The following ZFAND6 variants were observed in gnomAD, a reference collection of about 807,000 sequenced individuals.
ZFAND6 encodes the protein AN1-type zinc finger protein 6.
A neutral mutation model predicts 24.5 loss-of-function variants in ZFAND6; 12 were observed. That is an observed-to-expected ratio of 0.49 (90% CI 0.31 to 0.79). The LOEUF (loss-of-function observed/expected upper bound fraction) is 0.79. Among genes scored for constraint, ZFAND6 ranks in the 30% least tolerant of loss-of-function variants. The probability of loss-of-function intolerance (pLI) is 0.04; values close to 1 mark genes in which losing one functional copy is unlikely to be tolerated. For missense variants in ZFAND6, 207 were observed against 245.9 expected, an observed-to-expected ratio of 0.84 and a Z score of 1.06; for synonymous variants, 92 against 81.5, an observed-to-expected ratio of 1.13 and a Z score of -0.69.
At position 80,125,498 on chromosome 15, in the gene ZFAND6, G is replaced by C. The variant is rs1190484602; in HGVS notation, c.364+2698G>C. Among the ~76,000 whole-genome samples, 3 of 152,326 alleles carry C rather than the reference G, an allele frequency of 2.0e-5. No individual in the cohort carries two copies. In the South Asian group the frequency reaches 6.2e-4, roughly 32 times the overall value. ...TATAATTAGGATATGCTGCCACCAG[G>C]TTGGTGGTACTGCTTTCATATTGGC... On this transcript the variant is annotated intron_variant, in intron 5 of 6. Transcript: ENST00000261749.
chr15:80,132,592 A>C (rs1056018), intron 6 of ZFAND6, among the ~76,000 whole-genome samples: 1 of 151,972 alleles, frequency 6.6e-6, no homozygotes, highest in Admixed American at 6.5e-5. Context: ...AAAATGCCAC[A>C]CATTTTAATC....
intron 1 of ZFAND6, among the ~76,000 whole-genome samples, chr15:80,082,958 C>G (rs1193342074): frequency 3.3e-5 from 5 of 152,120 alleles, no homozygotes; most frequent in African/African-American, 1.2e-4. Context: ...TGAGCACCTA[C>G]TATGTATCCT....
intron 1 of ZFAND6, among the ~76,000 whole-genome samples, chr15:80,085,252 G>C (rs1567061251): frequency 6.6e-6 from 1 of 152,070 alleles, no homozygotes; most frequent in Non-Finnish European, 1.5e-5. Flanking sequence ...TTTTGTACGT[G>C]GTTTAAGTTC....
At chr15:80,125,022 A>C (rs952383449) in intron 5 of ZFAND6, among the ~76,000 whole-genome samples, 1 of 152,210 alleles carries the variant, frequency 6.6e-6, no homozygotes, top group Non-Finnish European at 1.5e-5. Context: ...CTTACATGCA[A>C]TTACGATTTC....
intron 1 of ZFAND6, among the ~76,000 whole-genome samples, chr15:80,066,218 G>A (rs2036621678): frequency 6.6e-6 from 1 of 152,014 alleles, no homozygotes; most frequent in Non-Finnish European, 1.5e-5. Flanking sequence ...GTGCTAATTG[G>A]ATGATCTGAG....
Position 80,137,412 on chromosome 15 carries a change from T to C in ZFAND6, c.479-68T>C, listed in dbSNP as rs932373181. On this transcript the variant is annotated intron_variant, in intron 6 of 6. Coordinates refer to ENST00000261749, the MANE Select transcript of ZFAND6 (RefSeq NM_019006.4). ...GCCCTAAATATATTGTGCTGTTCAG[T>C]ATTAATTATGCCAAAGACCTTAATA... 3 of 1,535,064 alleles carry C rather than the reference T, an allele frequency of 2.0e-6. No homozygotes were observed. The African/African-American group carries it at 4.2e-5, about 22-fold the overall frequency.
chr15:80,061,783 T>A (rs2036348279), intron 1 of ZFAND6, among the ~76,000 whole-genome samples: 1 of 152,190 alleles, frequency 6.6e-6, no homozygotes, highest in Admixed American at 6.6e-5. Flanking sequence ...GGTACACAAG[T>A]ACAAGAATTT....
chr15:80,132,882 A>G (rs994069219), intron 6 of ZFAND6, among the ~76,000 whole-genome samples: 4 of 152,124 alleles, frequency 2.6e-5, no homozygotes, highest in Admixed American at 2.6e-4. Context: ...TGCCATTTCA[A>G]GAAAAATGAA....
intron 1 of ZFAND6, among the ~76,000 whole-genome samples, chr15:80,083,266 C>T (rs1452350591): frequency 6.6e-6 from 1 of 152,158 alleles, no homozygotes; most frequent in Non-Finnish European, 1.5e-5. Context: ...GCTGGGATTA[C>T]AAGCATGAGC....
chr15:80,135,036 G>C (rs1258657568), intron 6 of ZFAND6, among the ~76,000 whole-genome samples: 3 of 152,158 alleles, frequency 2.0e-5, no homozygotes, highest in African/African-American at 7.2e-5. Flanking sequence ...AAGTATGCCT[G>C]CCTCTCCAGC....
chr15:80,107,403 T>TATA (rs572446447), intron 2 of ZFAND6, among the ~76,000 whole-genome samples: 2,225 of 152,244 alleles, frequency 0.015, 18 homozygotes, highest in Non-Finnish European at 0.024. Flanking sequence ...ACTGTACTAT[T>TATA]ATAGTATGGT....
chr15:80,130,878 CT>C, intron 5 of ZFAND6: 2 of 289,272 alleles, frequency 6.9e-6, no homozygotes, highest in East Asian at 5.9e-5. Flanking sequence ...GTTTATGTGC[CT>C]TTTATTGATT....
At chr15:80,063,258 C>T (rs2036429796) in intron 1 of ZFAND6, among the ~76,000 whole-genome samples, 1 of 152,072 alleles carries the variant, frequency 6.6e-6, no homozygotes, top group Non-Finnish European at 1.5e-5. Context: ...TTATGTAACC[C>T]AAAAACTATT....
chr15:80,083,536 A>C (rs1427290053), intron 1 of ZFAND6, among the ~76,000 whole-genome samples: 2 of 152,176 alleles, frequency 1.3e-5, no homozygotes, highest in East Asian at 3.8e-4. Context: ...AAATAAATAA[A>C]AGTTAACCAG....
intron 1 of ZFAND6, among the ~76,000 whole-genome samples, chr15:80,069,866 G>T (rs552879383): frequency 6.6e-6 from 1 of 151,912 alleles, no homozygotes; most frequent in African/African-American, 2.4e-5. Flanking sequence ...CTCTGCCTCC[G>T]AAAGTGCTGG....
At chr15:80,071,963 GA>G (rs1319171240) in intron 1 of ZFAND6, among the ~76,000 whole-genome samples, 1 of 152,010 alleles carries the variant, frequency 6.6e-6, no homozygotes, top group Non-Finnish European at 1.5e-5. Context: ...TGATGTCACT[GA>G]AATTTCTACT....
At chr15:80,081,252 T>C (rs1280613207) in intron 1 of ZFAND6, among the ~76,000 whole-genome samples, 7 of 152,208 alleles carry the variant, frequency 4.6e-5, no homozygotes, top group Non-Finnish European at 1.0e-4. Context: ...GCATACAGCC[T>C]AGTCAGATAG....
chr15:80,073,736 A>G (rs1425728783), intron 1 of ZFAND6, among the ~76,000 whole-genome samples: 1 of 151,838 alleles, frequency 6.6e-6, no homozygotes, highest in Admixed American at 6.6e-5. Flanking sequence ...CAGTTTTCCA[A>G]TAATTATGAA....
At chr15:80,119,486 T>C (rs1026985789) in intron 2 of ZFAND6, among the ~76,000 whole-genome samples, 28 of 152,156 alleles carry the variant, frequency 1.8e-4, no homozygotes, top group Non-Finnish European at 2.2e-4. Context: ...TTTCATATTG[T>C]GCCTTTTCAT....
Sources: gnomAD v4.1 joint callset for allele counts (sites outside exome capture counted in the v4.1 genomes callset) on GRCh38, gnomAD v4.1.1 for gene constraint, MANE v1.5 for transcripts, NCBI Gene and HGNC (gene_info 2026-07-23, HGNC 2026-07-21) for gene names.